DISC1: variants seen among roughly 807,000 people sequenced by gnomAD.
DISC1 encodes the protein DISC1 scaffold protein.
A neutral mutation model predicts 84.5 loss-of-function variants in DISC1; 57 were observed. The ratio of observed to expected loss-of-function variants is 0.67; its 90% CI spans 0.55 to 0.84. DISC1 has a LOEUF of 0.84. Ranked by LOEUF, DISC1 falls within the 40% of genes least tolerant of loss-of-function variation. The pLI is 0.00. For synonymous variants in DISC1, 411 were observed against 415.2 expected (o/e 0.99, Z 0.12); for missense variants, 1,000 against 1,057.8 (o/e 0.95, Z 0.76).
At chr1:231,789,852 T>C (rs750481086) in intron 6 of DISC1, among the ~76,000 whole-genome samples, 6 of 152,262 alleles carry the variant, frequency 3.9e-5, no homozygotes, top group Non-Finnish European at 7.4e-5. Context: ...ATTCTGTTTG[T>C]GATATTGCAA....
chr1:231,952,686 T>C (rs1366281685), intron 9 of DISC1, among the ~76,000 whole-genome samples: 1 of 130,480 alleles, frequency 7.7e-6, no homozygotes, highest in African/African-American at 3.1e-5. Flanking sequence ...CTCATATATA[T>C]ATGTTTATAT....
At chr1:231,907,138 T>TTTCTTTCTTTCTTTCC (rs1187279148) in intron 9 of DISC1, among the ~76,000 whole-genome samples, 2 of 56,886 alleles carry the variant, frequency 3.5e-5, no homozygotes, top group African/African-American at 1.6e-4. Context: ...TTCCTCTTTC[T>TTTCTTTCTTTCTTTCC]TTCTTTCTTT....
intron 9 of DISC1, among the ~76,000 whole-genome samples, chr1:231,857,496 C>T (rs890443834): frequency 1.3e-5 from 2 of 152,128 alleles, no homozygotes; most frequent in East Asian, 1.9e-4. Flanking sequence ...AGATCCCTGC[C>T]ATGCCATTTA....
intron 9 of DISC1, among the ~76,000 whole-genome samples, chr1:231,883,239 T>C (rs1321684181): frequency 6.6e-6 from 1 of 152,176 alleles, no homozygotes; most frequent in Non-Finnish European, 1.5e-5. Context: ...CTTCTTTCTC[T>C]CTATAATATT....
At chr1:231,949,679 G>A (rs1427345855) in intron 9 of DISC1, among the ~76,000 whole-genome samples, 4 of 152,116 alleles carry the variant, frequency 2.6e-5, no homozygotes, top group South Asian at 2.1e-4. Flanking sequence ...CACAAACTAC[G>A]TCTTCCTGCT....
At chr1:231,666,099 C>A (rs2061990999) in intron 1 of DISC1, among the ~76,000 whole-genome samples, 1 of 152,072 alleles carries the variant, frequency 6.6e-6, no homozygotes, top group African/African-American at 2.4e-5. Context: ...CTTTACCTCC[C>A]TTAATCCGAA....
chr1:231,632,944 G>A (rs2058856077), intron 1 of DISC1, among the ~76,000 whole-genome samples: 1 of 152,026 alleles, frequency 6.6e-6, no homozygotes, highest in Admixed American at 6.5e-5. Context: ...GGTGGCGTGT[G>A]CCTGTAATCC....
intron 8 of DISC1, among the ~76,000 whole-genome samples, chr1:231,807,596 TC>T (rs2079842303): frequency 6.6e-6 from 1 of 152,202 alleles, no homozygotes; most frequent in Non-Finnish European, 1.5e-5. Context: ...TGCCCTGACT[TC>T]AGTGGGTACG....
At chr1:231,761,975 G>A (rs573141337) in intron 4 of DISC1, among the ~76,000 whole-genome samples, 16 of 152,068 alleles carry the variant, frequency 1.1e-4, no homozygotes, top group South Asian at 8.3e-4. Context: ...AGGAGGAAGT[G>A]CGTTTCGTTC....
chr1:231,837,090 A>G (rs200098864), intron 9 of DISC1, among the ~76,000 whole-genome samples: 1 of 152,266 alleles, frequency 6.6e-6, no homozygotes, highest in Non-Finnish European at 1.5e-5. Context: ...AAGGTTTTAT[A>G]CAATATAAAA....
intron 1 of DISC1, among the ~76,000 whole-genome samples, chr1:231,649,352 T>G (rs1158640323): frequency 6.6e-6 from 1 of 152,226 alleles, no homozygotes; most frequent in Non-Finnish European, 1.5e-5. Context: ...TCAGTTTCCA[T>G]GTAGTTGTGC....
At chr1:231,842,643 G>A (rs987978849) in intron 9 of DISC1, among the ~76,000 whole-genome samples, 4 of 152,172 alleles carry the variant, frequency 2.6e-5, no homozygotes, top group African/African-American at 4.8e-5. Flanking sequence ...ACTGGATGGA[G>A]TGTGAGCTGT....
chr1:231,736,254 A>G, intron 3 of DISC1, among the ~76,000 whole-genome samples: 1 of 152,186 alleles, frequency 6.6e-6, no homozygotes, highest in East Asian at 1.9e-4. Flanking sequence ...TCAAACAGAT[A>G]GGCAAGACCC....
intron 9 of DISC1, among the ~76,000 whole-genome samples, chr1:231,864,996 G>A (rs1021026106): frequency 3.9e-5 from 6 of 152,180 alleles, no homozygotes; most frequent in African/African-American, 1.2e-4. Flanking sequence ...CACCACGGCT[G>A]TGGTAGACCT....
chr1:232,013,041 G>T lies in DISC1; in HGVS notation c.2307+3992G>T, dbSNP rs536428924. ...GTAGATGTTACAGAAATTGAATGGG[G>T]GCCAGACAGGAGCCAGGGAAATCAG... On this transcript the variant is annotated intron_variant, in intron 11 of 12. Coordinates refer to ENST00000439617, the MANE Select transcript of DISC1 (RefSeq NM_018662.3). 3.6e-4 allele frequency among the ~76,000 whole-genome samples: 55 copies of T among 152,310 alleles called. No individual in the cohort carries two copies. In the South Asian group the frequency reaches 0.011, roughly 31 times the overall value.
intron 9 of DISC1, among the ~76,000 whole-genome samples, chr1:231,838,731 C>T (rs1032702240): frequency 9.9e-5 from 15 of 152,208 alleles, no homozygotes; most frequent in Non-Finnish European, 1.8e-4. Context: ...TCTTTTGCTT[C>T]TACATTTTTG....
chr1:231,699,785 A>G (rs968720794), intron 2 of DISC1, among the ~76,000 whole-genome samples: 5 of 152,178 alleles, frequency 3.3e-5, no homozygotes, highest in Non-Finnish European at 7.3e-5. Context: ...GTAAAATCAG[A>G]ACTTTTAAAT....
intron 6 of DISC1, among the ~76,000 whole-genome samples, chr1:231,780,988 T>C (rs1269553626): frequency 8.9e-5 from 9 of 101,046 alleles, no homozygotes; most frequent in Admixed American, 1.5e-4. Context: ...GGAAGGGGAA[T>C]ATCACACTCT....
chr1:231,789,292 G>A (rs1298642314), intron 6 of DISC1, among the ~76,000 whole-genome samples: 5 of 152,190 alleles, frequency 3.3e-5, no homozygotes, highest in African/African-American at 9.7e-5. Context: ...GCAGATTTGA[G>A]GAGCTGTCAG....
Sources: allele counts gnomAD v4.1 joint callset (sites outside exome capture counted in the v4.1 genomes callset), GRCh38; gene constraint gnomAD v4.1.1; transcripts MANE v1.5; gene names NCBI Gene and HGNC (gene_info 2026-07-23, HGNC 2026-07-21).